Variants in CHD1L observed in about 807,000 individuals in gnomAD.
The protein encoded by CHD1L is ATP-dependent chromatin remodeler CHD1L.
CHD1L carries 118 observed loss-of-function variants against 115.9 expected under a neutral mutation model. That is an observed-to-expected ratio of 1.02 (90% CI 0.88 to 1.19). The LOEUF is 1.19. Ranked by LOEUF, CHD1L falls within the 50% of genes most tolerant of loss-of-function variation. The pLI is 0.00. For missense variants in CHD1L, 1,179 were observed against 1,065.3 expected, an observed-to-expected ratio of 1.11 and a Z score of -1.49; for synonymous variants, 411 against 387.1, an observed-to-expected ratio of 1.06 and a Z score of -0.72.
the CHD1L span, chr1:147,178,669 C>T: frequency 6.4e-6 from 10 of 1,573,450 alleles, no homozygotes; most frequent in African/African-American, 1.2e-4. Context: ...CCGATTTGCA[C>T]ATACGAATGT....
rs144689506 is a variant in CHD1L at position 147,280,228 on chromosome 1, C to T, written c.1705+37C>T. The T allele has an allele frequency of 3.8e-5, 58 of 1,526,924 alleles. No homozygotes were observed. The African/African-American group carries it at 4.9e-4, about 13-fold the overall frequency. 94.6% of individuals were successfully genotyped at this position (1,526,924 alleles called of 1,614,324 possible). A position where few individuals can be genotyped will look rare whatever the true frequency, so the allele number is the denominator to read the frequency against. On this transcript the variant is annotated intron_variant, in intron 15 of 22. Coordinates refer to ENST00000369258, the MANE Select transcript of CHD1L (RefSeq NM_004284.6). ...GTTAGAGCAGAGCAAATGGCACAAC[C>T]ACCCCAAGCTAGAGCTCACGTCCCC... is the stretch of plus-strand genomic sequence containing the variant.
Position 147,272,468 on chromosome 1 carries a change from G to A in CHD1L, c.1270+187G>A, listed in dbSNP as rs2102683563. 3 of 482,588 alleles carry A rather than the reference G, an allele frequency of 6.2e-6. No individual in the cohort carries two copies. The East Asian group carries it at 1.0e-4, about 16-fold the overall frequency. 29.9% of individuals were successfully genotyped at this position (482,588 alleles called of 1,614,324 possible). A position where few individuals can be genotyped will look rare whatever the true frequency, so the allele number is the denominator to read the frequency against. On this transcript the variant is annotated intron_variant, in intron 12 of 22. Coordinates refer to ENST00000369258, the MANE Select transcript of CHD1L (RefSeq NM_004284.6). The stretch of plus-strand genomic sequence containing the variant: ...CCAGCCTGTCCAAACTGTCATCTCA[G>A]CAAAGAAGTAAGGCTGAAACCTGGG...
At chr1:147,178,088 G>C in the CHD1L span, 1 of 1,447,928 alleles carries the variant, frequency 6.9e-7, no homozygotes, top group Non-Finnish European at 9.3e-7. Context: ...CGACCCTTCC[G>C]GCTGCCCCCA....
intron 11 of CHD1L, among the ~76,000 whole-genome samples, chr1:147,271,834 A>G (rs1300541957): frequency 1.3e-5 from 2 of 152,232 alleles, no homozygotes; most frequent in East Asian, 1.9e-4. Flanking sequence ...TTCTGTTTAC[A>G]TAAGAATTAC....
the CHD1L span, among the ~76,000 whole-genome samples, chr1:147,217,249 GAAAAA>G: frequency 6.7e-6 from 1 of 150,004 alleles, no homozygotes; most frequent in Admixed American, 6.6e-5. Context: ...ACAAAAAAAA[GAAAAA>G]GAAAAAGAAA....
the CHD1L span, chr1:147,209,599 T>C: frequency 6.5e-6 from 1 of 152,952 alleles, no homozygotes; most frequent in Non-Finnish European, 1.5e-5. Flanking sequence ...TTTGCTCTAA[T>C]ACACCGTTGT....
rs1257527506 is a variant in CHD1L, at chr1:147,278,849, ACTCT to A, written c.1540-1174_1540-1171del. Reference sequence around the variant, plus strand: ...TCAGATTTAGGATTCCAATCCAAGCACTCTCTAACCTCCGAGCACATGCCCTTAA... The same window carrying A: ...TCAGATTTAGGATTCCAATCCAAGCACTAACCTCCGAGCACATGCCCTTAA... On this transcript the variant is annotated intron_variant, in intron 14 of 22. Transcript: ENST00000369258. Among the ~76,000 whole-genome samples, 4 of 152,188 alleles carry A rather than the reference ACTCT, an allele frequency of 2.6e-5. No homozygotes were observed. In the East Asian group the frequency reaches 7.7e-4, roughly 29 times the overall value.
rs1452486110 is a variant in CHD1L, at chr1:147,288,322, C to CATTA, written c.2320+590_2320+591insTTAA. Among the ~76,000 whole-genome samples, 58 of 87,894 alleles carry CATTA rather than the reference C, an allele frequency of 6.6e-4. 2 individuals carry two copies. Among genetic ancestry groups the CATTA allele is most frequent in the Middle Eastern group, 7.1e-3 (1 of 140 alleles). The allele number at this position is 87,894 out of a possible 152,430, so 57.7% of individuals were successfully genotyped here. A position where few individuals can be genotyped will look rare whatever the true frequency, so the allele number is the denominator to read the frequency against. On this transcript the variant is annotated intron_variant, in intron 19 of 22. Coordinates refer to ENST00000369258, the MANE Select transcript of CHD1L (RefSeq NM_004284.6). ...CCTGAGTGAGAGTGAGACCCTGTTT[C>CATTA]AATAAAAAAAAAAAAAAAAAAAAAG... is the stretch of plus-strand genomic sequence containing the variant.
the CHD1L span, chr1:147,174,430 A>G: frequency 6.6e-6 from 1 of 152,236 alleles, no homozygotes; most frequent in African/African-American, 2.4e-5. Flanking sequence ...GCAGTAGTCA[A>G]ATCAGCCTAG....
chr1:147,221,494 G>C, the CHD1L span, among the ~76,000 whole-genome samples: 4 of 152,154 alleles, frequency 2.6e-5, no homozygotes, highest in Non-Finnish European at 5.9e-5. Context: ...GTAAATTAAT[G>C]AATGGCAAGG....
chr1:147,204,456 TTCA>T, the CHD1L span: 1 of 1,363,174 alleles, frequency 7.3e-7, no homozygotes, highest in Non-Finnish European at 1.1e-6. Context: ...GAGATGAGAC[TTCA>T]TCAACATCTC....
At chr1:147,225,279 G>T in the CHD1L span, 2 of 928,212 alleles carry the variant, frequency 2.2e-6, no homozygotes, top group Non-Finnish European at 1.5e-6. Context: ...TGCGGTACCG[G>T]ATCTCACCGC....
the CHD1L span, among the ~76,000 whole-genome samples, chr1:147,220,675 T>G: frequency 6.6e-6 from 1 of 152,210 alleles, no homozygotes; most frequent in Admixed American, 6.5e-5. Flanking sequence ...ATTTTACATT[T>G]AACTTTTTAA....
rs1240208639 is a variant in CHD1L at position 147,256,537 on chromosome 1, T to C, written c.469T>C (p.Leu157=). 2 of 1,613,540 alleles carry C rather than the reference T, an allele frequency of 1.2e-6. No individual in the cohort carries two copies. Among genetic ancestry groups the C allele is most frequent in the Non-Finnish European group, 1.7e-6 (2 of 1,179,574 alleles). Residue 157 remains leucine, a synonymous_variant, in exon 5 of 23, where the codon TTG becomes CTG. Coordinates refer to ENST00000369258, the MANE Select transcript of CHD1L (RefSeq NM_004284.6). ...HVLLTTYEIC[L]KDASFLKSFP... The stretch of plus-strand genomic sequence containing the variant: ...TGTCTTCCTAATTTTTCAGATTTGC[T>C]TGAAAGATGCATCATTTCTAAAATC...
At chr1:147,261,401 C>CTTTTTTTT (rs201084245) in intron 6 of CHD1L, among the ~76,000 whole-genome samples, 1 of 129,000 alleles carries the variant, frequency 7.8e-6, no homozygotes, top group Admixed American at 7.5e-5. Context: ...CTGCATGACA[C>CTTTTTTTT]TTTTTTTTTT....
chr1:147,274,424 C>A (rs1677505657), intron 12 of CHD1L, among the ~76,000 whole-genome samples: 1 of 152,148 alleles, frequency 6.6e-6, no homozygotes, highest in Admixed American at 6.5e-5. Flanking sequence ...AATATTCCTG[C>A]CTGATTTGTC....
At chr1:147,238,217 C>T (rs587722694), upstream of CHD1L, among the ~76,000 whole-genome samples, 9 of 152,260 alleles carry the variant, frequency 5.9e-5, no homozygotes, top group African/African-American at 9.6e-5. Flanking sequence ...CCCATGGGCA[C>T]GGACCTAATT....
chr1:147,288,961 A>G (rs1276360504), intron 19 of CHD1L, among the ~76,000 whole-genome samples: 1 of 152,164 alleles, frequency 6.6e-6, no homozygotes, highest in Non-Finnish European at 1.5e-5. Context: ...CTGGAGATTG[A>G]AGGACCTTGT....
At chr1:147,269,408 C>T (rs886685252) in intron 10 of CHD1L, among the ~76,000 whole-genome samples, 7 of 152,082 alleles carry the variant, frequency 4.6e-5, no homozygotes, top group Non-Finnish European at 1.0e-4. Context: ...CTGTGGCTCG[C>T]GCCTGTAATC....
Sources: allele counts gnomAD v4.1 joint callset (sites outside exome capture counted in the v4.1 genomes callset), GRCh38; gene constraint gnomAD v4.1.1; transcripts MANE v1.5; gene names NCBI Gene and HGNC (gene_info 2026-07-23, HGNC 2026-07-21).